CHD9: variants seen among roughly 807,000 people sequenced by gnomAD.
CHD9 encodes the protein ATP-dependent chromatin remodeler CHD9.
Under a neutral mutation model 316.1 loss-of-function variants are expected in CHD9, and 77 were observed. The ratio of observed to expected loss-of-function variants is 0.24; its 90% confidence interval spans 0.20 to 0.29. CHD9 has a LOEUF of 0.29. Ranked by LOEUF, CHD9 falls within the 10% of genes least tolerant of loss-of-function variation. The pLI is 1.00. For missense variants in CHD9, 2,763 were observed against 3,438.1 expected (o/e 0.80, Z 4.91); for synonymous variants, 1,129 against 1,158.3 (o/e 0.97, Z 0.51).
At chr16:53,303,293 A>G (rs1273272326) in intron 30 of CHD9, among the ~76,000 whole-genome samples, 1 of 152,036 alleles carries the variant, frequency 6.6e-6, no homozygotes, top group Non-Finnish European at 1.5e-5. Context: ...AGGGAAGCCA[A>G]AAGATTGGAC....
At chr16:53,232,217 G>C (rs770484654) in intron 10 of CHD9, among the ~76,000 whole-genome samples, 16 of 152,066 alleles carry the variant, frequency 1.1e-4, no homozygotes, top group Non-Finnish European at 1.9e-4. Flanking sequence ...CTTGAACCAG[G>C]AAACAGAAGC....
intron 1 of CHD9, among the ~76,000 whole-genome samples, chr16:53,126,708 T>G (rs1172510388): frequency 6.6e-6 from 1 of 151,792 alleles, no homozygotes; most frequent in Non-Finnish European, 1.5e-5. Flanking sequence ...TGATGGAGTC[T>G]CACTCTGTCA....
At chr16:53,162,810 A>T (rs1219211379) in intron 2 of CHD9, among the ~76,000 whole-genome samples, 1 of 147,392 alleles carries the variant, frequency 6.8e-6, no homozygotes, top group Non-Finnish European at 1.5e-5. Flanking sequence ...GGTGGGGGAC[A>T]GGGTCTTTGT....
At chr16:53,152,535 G>T (rs1317886675) in intron 1 of CHD9, among the ~76,000 whole-genome samples, 2 of 152,154 alleles carry the variant, frequency 1.3e-5, no homozygotes, top group Non-Finnish European at 2.9e-5. Flanking sequence ...GAGCTGTTCT[G>T]GTGGTGGTGC....
intron 3 of CHD9, among the ~76,000 whole-genome samples, chr16:53,220,920 A>G (rs2047181058): frequency 3.9e-5 from 6 of 152,126 alleles, no homozygotes; most frequent in Admixed American, 3.9e-4. Context: ...TCTTTTCATC[A>G]TATCAAATGT....
At chr16:53,127,015 C>T (rs1249882115) in intron 1 of CHD9, among the ~76,000 whole-genome samples, 4 of 151,640 alleles carry the variant, frequency 2.6e-5, no homozygotes, top group South Asian at 2.1e-4. Context: ...AGTGCAGTGG[C>T]GTGATCACAG....
chr16:53,125,413 G>A (rs7187110), intron 1 of CHD9, among the ~76,000 whole-genome samples: 1 of 151,720 alleles, frequency 6.6e-6, no homozygotes, highest in Non-Finnish European at 1.5e-5. Context: ...TAGTAGCAAT[G>A]GGGTTGGCCA....
rs1196284655 is a variant in CHD9, at chr16:53,098,775, A to T, written c.-165+43698A>T. Among the ~76,000 whole-genome samples, 3 of 152,112 alleles carry T rather than the reference A, an allele frequency of 2.0e-5. No individual in the cohort carries two copies. In the South Asian group the frequency reaches 6.2e-4, roughly 32 times the overall value. On this transcript the variant is annotated intron_variant, in intron 1 of 38. Coordinates refer to ENST00000447540, the MANE Select transcript of CHD9 (RefSeq NM_001308319.2). ...ATGCACCCCATTACATATGCAAAAC[A>T]TCTGACGTTTGTGTAACAAGCCCTT...
At position 53,288,024 on chromosome 16, in the gene CHD9, G is replaced by A. The variant is rs750040392; in HGVS notation, c.5247+10G>A. 1 of 1,593,162 alleles carries A rather than the reference G, an allele frequency of 6.3e-7. No homozygotes were observed. The highest frequency in any genetic ancestry group is 2.2e-5 in the East Asian group (1 of 44,754). On this transcript the variant is annotated intron_variant, in intron 27 of 38. Transcript: ENST00000447540. ...TAAAGATGATATAGAGGTATGCATT[G>A]GATCATATTTTTAAATCCTCAATTT...
chr16:53,084,973 C>T (rs1362701658), intron 1 of CHD9, among the ~76,000 whole-genome samples: 1 of 152,222 alleles, frequency 6.6e-6, no homozygotes, highest in African/African-American at 2.4e-5. Flanking sequence ...TAAACTTGGA[C>T]TGCTAGACAG....
rs181557702 is a variant in CHD9 at position 53,211,119 on chromosome 16, G to A, written c.1784+1306G>A. ...CTTGTTCAGAGATCTAGACAGAGTA[G>A]AATACTATTTGGAAGAGTAACGTTT... On this transcript the variant is annotated intron_variant, in intron 3 of 38. Transcript: ENST00000447540. Among the ~76,000 whole-genome samples the A allele has an allele frequency of 3.2e-4, 49 of 152,054 alleles. No individual in the cohort carries two copies. The Middle Eastern group carries it at 0.01, about 32-fold the overall frequency.
chr16:53,097,396 CT>C (rs2036478167), intron 1 of CHD9, among the ~76,000 whole-genome samples: 3 of 149,202 alleles, frequency 2.0e-5, no homozygotes, highest in Admixed American at 6.7e-5. Context: ...TCCTTCCTTC[CT>C]TCCTTCCTTC....
intron 2 of CHD9, among the ~76,000 whole-genome samples, chr16:53,202,382 G>C (rs1323290600): frequency 6.6e-6 from 1 of 150,586 alleles, no homozygotes; most frequent in Non-Finnish European, 1.5e-5. Context: ...GGTCTTTTAA[G>C]TTTCTCTCTC....
At chr16:53,146,436 T>TATATATATATATATATATATATATA (rs1385131635) in intron 1 of CHD9, among the ~76,000 whole-genome samples, 1 of 130,972 alleles carries the variant, frequency 7.6e-6, no homozygotes, top group African/African-American at 3.2e-5. Context: ...TATATATATA[T>TATATATATATATATATATATATATA]AATTAAAAAG....
chr16:53,131,630 C>A lies in CHD9; in HGVS notation c.-164-24296C>A, dbSNP rs537233834. Among the ~76,000 whole-genome samples, 2 of 151,948 alleles carry A rather than the reference C, an allele frequency of 1.3e-5. 1 individual carries two copies. Among genetic ancestry groups the A allele is most frequent in the African/African-American group, 4.8e-5 (2 of 41,510 alleles). ...GCCAGGGCGTGGGAAGGCGGGCCCT[C>A]TTCCCCGTCCCGCGCGAGGTCGGGG... On this transcript the variant is annotated intron_variant, in intron 1 of 38. Transcript: ENST00000447540.
chr16:53,126,681 C>G (rs1354992101), intron 1 of CHD9, among the ~76,000 whole-genome samples: 1 of 134,652 alleles, frequency 7.4e-6, no homozygotes, highest in Non-Finnish European at 1.6e-5. Context: ...TTCGTTCTTT[C>G]TTTCCTTTTC....
chr16:53,157,094 T>G lies in CHD9; in HGVS notation c.1005T>G (p.Asn335Lys). The G allele has an allele frequency of 6.2e-7, 1 of 1,612,188 alleles. No individual in the cohort carries two copies. The highest frequency in any genetic ancestry group is 8.5e-7 in the Non-Finnish European group (1 of 1,178,766). Residue 335 changes from asparagine (N) to lysine (K), a missense_variant, in exon 2 of 39, where the codon AAT (asparagine) becomes AAG (lysine). Coordinates refer to ENST00000447540, the MANE Select transcript of CHD9 (RefSeq NM_001308319.2). Reference sequence around the variant, plus strand: ...ACCCCAATACATCATTGAATTCAAATAATTTCCAAATATTGCATTCATCAC... The same window carrying G: ...ACCCCAATACATCATTGAATTCAAAGAATTTCCAAATATTGCATTCATCAC... Reference protein sequence around the residue: ...ILNPNTSLNSNNFQILHSSHP... With the variant: ...ILNPNTSLNSKNFQILHSSHP...
At chr16:53,202,325 A>G (rs546192704) in intron 2 of CHD9, among the ~76,000 whole-genome samples, 2 of 152,230 alleles carry the variant, frequency 1.3e-5, no homozygotes, top group South Asian at 4.1e-4. Context: ...CTAAACTTAG[A>G]AAACATATAA....
At chr16:53,099,488 C>G (rs932464795) in intron 1 of CHD9, among the ~76,000 whole-genome samples, 10 of 151,958 alleles carry the variant, frequency 6.6e-5, no homozygotes, top group African/African-American at 2.4e-4. Flanking sequence ...GGAGTGGTTT[C>G]AGCTACACCG....
Sources: allele counts gnomAD v4.1 joint callset (sites outside exome capture counted in the v4.1 genomes callset), GRCh38; gene constraint gnomAD v4.1.1; transcripts MANE v1.5; gene names NCBI Gene and HGNC (gene_info 2026-07-23, HGNC 2026-07-21).